Variants in CNKSR2 observed in about 807,000 individuals in gnomAD.
CNKSR2 encodes the protein CNK homolog protein 2.
CNKSR2 carries 14 observed loss-of-function variants against 84.4 expected under a neutral mutation model. That is an observed-to-expected ratio of 0.17 (90% CI 0.11 to 0.26). The LOEUF is 0.26. Among genes scored for constraint, CNKSR2 ranks in the 10% least tolerant of loss-of-function variants. The pLI is 1.00. For missense variants in CNKSR2, 485 were observed against 771.2 expected (o/e 0.63, Z 4.40); for synonymous variants, 275 against 277.9 (o/e 0.99, Z 0.10).
intron 15 of CNKSR2, chrX:21,592,715 G>A (rs1440461000): frequency 1.8e-5 from 2 of 110,532 alleles, no homozygotes; most frequent in African/African-American, 6.6e-5. Context: ...TGACATTTTT[G>A]TGGCAAATCA....
chrX:21,435,708 C>T (rs1176492301), intron 3 of CNKSR2, among the ~76,000 whole-genome samples: 1 of 111,610 alleles, frequency 9.0e-6, no homozygotes, highest in Non-Finnish European at 1.9e-5. Context: ...TTTGCCAAAT[C>T]GATCTATACT....
chrX:21,439,870 A>G (rs1055229497), intron 3 of CNKSR2, among the ~76,000 whole-genome samples: 1 of 110,298 alleles, frequency 9.1e-6, no homozygotes, highest in Admixed American at 9.7e-5. Context: ...TTTCTATACC[A>G]TCTCTTCCGG....
intron 5 of CNKSR2, among the ~76,000 whole-genome samples, chrX:21,479,760 A>C (rs1174814075): frequency 9.1e-6 from 1 of 110,180 alleles, no homozygotes; most frequent in East Asian, 2.9e-4. Flanking sequence ...GTTGCCAGGC[A>C]AGTGGAAGAC....
At chrX:21,436,407 G>T (rs969836584) in intron 3 of CNKSR2, among the ~76,000 whole-genome samples, 1 of 111,455 alleles carries the variant, frequency 9.0e-6, no homozygotes, top group South Asian at 3.7e-4. Context: ...AATGTACAAA[G>T]AATAATTTCT....
At chrX:21,602,569 A>T (rs1235023367) in intron 18 of CNKSR2, among the ~76,000 whole-genome samples, 2 of 111,601 alleles carry the variant, frequency 1.8e-5, no homozygotes, top group African/African-American at 6.5e-5. Flanking sequence ...AGATTAGTAA[A>T]TTTTTTCTGT....
intron 1 of CNKSR2, among the ~76,000 whole-genome samples, chrX:21,396,418 T>A (rs1002129183): frequency 2.7e-5 from 3 of 111,236 alleles, no homozygotes; most frequent in Non-Finnish European, 5.7e-5. Context: ...TAGATGTCTG[T>A]GAATGCATCA....
chrX:21,460,477 A>G (rs1349651801), intron 4 of CNKSR2, among the ~76,000 whole-genome samples: 2 of 112,023 alleles, frequency 1.8e-5, no homozygotes, highest in South Asian at 3.7e-4. Flanking sequence ...CAGGCATGCA[A>G]TGTATTCATA....
chrX:21,589,638 C>T (rs1273619698), intron 13 of CNKSR2, among the ~76,000 whole-genome samples: 1 of 111,568 alleles, frequency 9.0e-6, no homozygotes, highest in East Asian at 2.8e-4. Context: ...GAAAGTTAGA[C>T]CAATCAATAT....
chrX:21,486,620 T>C (rs1278846570), intron 5 of CNKSR2, among the ~76,000 whole-genome samples: 1 of 111,985 alleles, frequency 8.9e-6, no homozygotes, highest in Non-Finnish European at 1.9e-5. Flanking sequence ...ATGAAGTATT[T>C]AGCATTGTGC....
At chrX:21,650,596 T>C (rs1421662368) in intron 21 of CNKSR2, among the ~76,000 whole-genome samples, 1 of 111,004 alleles carries the variant, frequency 9.0e-6, no homozygotes, top group Non-Finnish European at 1.9e-5. Context: ...AGAACTATCA[T>C]ACAGAGTATG....
chrX:21,438,239 A>G (rs1188636499), intron 3 of CNKSR2, among the ~76,000 whole-genome samples: 1 of 112,000 alleles, frequency 8.9e-6, no homozygotes, highest in Non-Finnish European at 1.9e-5. Context: ...ATGTGACTGT[A>G]CTGAATACTA....
rs1279739032 is a variant in CNKSR2 at position 21,527,019 on chromosome X, G to A, written c.1091+19G>A. ...TTCCCAGGTATAAAACTATCACGTT[G>A]TCCTAGGCAGCTTCTAGCTAAAGGT... On this transcript the variant is annotated intron_variant, in intron 10 of 21. Coordinates refer to ENST00000379510, the MANE Select transcript of CNKSR2 (RefSeq NM_014927.5). 1 of 1,191,118 alleles carries A rather than the reference G, an allele frequency of 8.4e-7. No homozygotes were observed. Among genetic ancestry groups the A allele is most frequent in the South Asian group, 1.8e-5 (1 of 55,001 alleles).
At chrX:21,495,294 T>C (rs1308254189) in intron 6 of CNKSR2, 1 of 111,596 alleles carries the variant, frequency 9.0e-6, no homozygotes, top group Non-Finnish European at 1.9e-5. Flanking sequence ...AAAACAGAGA[T>C]AATGATAGTT....
chrX:21,572,218 T>C (rs1376798724), intron 13 of CNKSR2, among the ~76,000 whole-genome samples: 1 of 112,209 alleles, frequency 8.9e-6, no homozygotes, highest in Non-Finnish European at 1.9e-5. Flanking sequence ...GTATGGGCCA[T>C]CCTTGGCAAA....
chrX:21,425,534 C>T (rs2090554131), intron 1 of CNKSR2: 1 of 111,495 alleles, frequency 9.0e-6, no homozygotes, highest in Admixed American at 9.6e-5. Context: ...AATTTCATCT[C>T]TGTTTTTTCT....
chrX:21,632,478 C>T (rs992025428), intron 20 of CNKSR2, among the ~76,000 whole-genome samples: 10 of 111,969 alleles, frequency 8.9e-5, no homozygotes, highest in Non-Finnish European at 1.7e-4. Context: ...AGAAAACAAA[C>T]TTTCTGGTGC....
chrX:21,498,530 A>G (rs139940762), intron 7 of CNKSR2, among the ~76,000 whole-genome samples: 2 of 112,221 alleles, frequency 1.8e-5, no homozygotes, highest in East Asian at 5.6e-4. Context: ...TTTGGGCAAG[A>G]CATTTAACCT....
At chrX:21,409,879 T>C (rs1225203770) in intron 1 of CNKSR2, among the ~76,000 whole-genome samples, 27 of 111,772 alleles carry the variant, frequency 2.4e-4, no homozygotes, top group Non-Finnish European at 5.7e-5. Flanking sequence ...CATTTAGTTG[T>C]AATAATTTGT....
intron 3 of CNKSR2, among the ~76,000 whole-genome samples, chrX:21,434,806 A>G (rs1168241653): frequency 9.1e-6 from 1 of 109,469 alleles, no homozygotes; most frequent in Non-Finnish European, 1.9e-5. Context: ...AGAATAGGTT[A>G]AAAAAAATCT....
Sources: gnomAD v4.1 joint callset for allele counts (sites outside exome capture counted in the v4.1 genomes callset) on GRCh38, gnomAD v4.1.1 for gene constraint, MANE v1.5 for transcripts, NCBI Gene and HGNC (gene_info 2026-07-23, HGNC 2026-07-21) for gene names.